BCAS3: variants seen among roughly 807,000 people sequenced by gnomAD.
BCAS3 encodes the protein BCAS3 microtubule associated cell migration factor.
Under a neutral mutation model 116.1 loss-of-function variants are expected in BCAS3, and 53 were observed. The ratio of observed to expected loss-of-function variants is 0.46; its 90% CI spans 0.37 to 0.57. The LOEUF is 0.57. BCAS3 is among the 20% of genes least tolerant of loss of function. BCAS3 has a pLI of 0.00. For missense variants in BCAS3, 917 were observed against 1,165.4 expected (o/e 0.79, Z 3.10); for synonymous variants, 391 against 408.2 (o/e 0.96, Z 0.51).
chr17:60,987,381 T>A (rs1015989748), intron 14 of BCAS3, among the ~76,000 whole-genome samples: 1 of 151,864 alleles, frequency 6.6e-6, no homozygotes, highest in African/African-American at 2.4e-5. Context: ...GTAAAGAATG[T>A]CATAGGTATT....
Position 60,960,031 on chromosome 17 carries a change from C to G in BCAS3, c.1221+12679C>G, listed in dbSNP as rs1166952763. The stretch of plus-strand genomic sequence containing the variant: ...CCAACCTGGATAACCCAGGGATAAG[C>G]CCCTTCTCTTAGGATTTATAACCTA... On this transcript the variant is annotated intron_variant, in intron 14 of 23. Coordinates refer to ENST00000407086, the MANE Select transcript of BCAS3 (RefSeq NM_017679.5). This position sits in a 1 kb window ranked among gnomAD's most constrained non-coding sequence, Gnocchi z 4.1. Among the ~76,000 whole-genome samples, 1 of 152,122 alleles carries G rather than the reference C, an allele frequency of 6.6e-6. No individual in the cohort carries two copies. Among genetic ancestry groups the G allele is most frequent in the East Asian group, 1.9e-4 (1 of 5,198 alleles).
At chr17:61,163,418 C>A (rs1038753305) in intron 22 of BCAS3, among the ~76,000 whole-genome samples, 2 of 139,994 alleles carry the variant, frequency 1.4e-5, no homozygotes, top group Non-Finnish European at 3.1e-5. Context: ...AGCGAGACTC[C>A]GTCTCAGAAA....
chr17:60,694,663 T>C (rs1446830853), intron 4 of BCAS3, among the ~76,000 whole-genome samples: 1 of 149,152 alleles, frequency 6.7e-6, no homozygotes, highest in East Asian at 2.0e-4. Context: ...TTTTTTTTTT[T>C]GGTAGAGATG....
intron 3 of BCAS3, among the ~76,000 whole-genome samples, chr17:60,685,047 A>G (rs972186268): frequency 1.3e-5 from 2 of 152,232 alleles, no homozygotes; most frequent in Non-Finnish European, 2.9e-5. Flanking sequence ...ATAAAATCCA[A>G]CAATGATCAA....
At chr17:61,283,455 G>GT (rs2051418918) in intron 22 of BCAS3, among the ~76,000 whole-genome samples, 1 of 146,826 alleles carries the variant, frequency 6.8e-6, no homozygotes, top group African/African-American at 2.6e-5. Context: ...AAAGTAAATT[G>GT]ATTTTTTTTT....
At chr17:61,121,356 T>G (rs780518399) in intron 22 of BCAS3, among the ~76,000 whole-genome samples, 2 of 152,212 alleles carry the variant, frequency 1.3e-5, no homozygotes, top group Non-Finnish European at 2.9e-5. Context: ...CATTGTATTA[T>G]TTGATATATA....
At chr17:61,018,187 C>T (rs1346968438) in intron 16 of BCAS3, among the ~76,000 whole-genome samples, 1 of 151,616 alleles carries the variant, frequency 6.6e-6, no homozygotes, top group African/African-American at 2.4e-5. Flanking sequence ...TGATACTTGT[C>T]CCACAATGAG....
At chr17:61,067,924 C>G (rs1393649826) in intron 19 of BCAS3, among the ~76,000 whole-genome samples, 1 of 151,950 alleles carries the variant, frequency 6.6e-6, no homozygotes, top group Non-Finnish European at 1.5e-5. Flanking sequence ...TGCCTTTGCT[C>G]GTTGATGTAT....
intron 4 of BCAS3, among the ~76,000 whole-genome samples, chr17:60,705,141 C>T (rs1222726891): frequency 8.5e-5 from 13 of 152,144 alleles, no homozygotes; most frequent in Admixed American, 8.5e-4. Context: ...AGTCAGCAAG[C>T]TTGAAACAAT....
Position 61,355,264 on chromosome 17 carries a change from A to G in BCAS3, c.2426-13063A>G, listed in dbSNP as rs1306768594. ...GGTTTTTGAAACATCTTCTTTGACT[A>G]ATAAAAACAGAAGACTTCTTGGCCC... is the stretch of plus-strand genomic sequence containing the variant. On this transcript the variant is annotated intron_variant, in intron 22 of 23. Coordinates refer to ENST00000407086, the MANE Select transcript of BCAS3 (RefSeq NM_017679.5). The surrounding 1 kb of genome is among the most constrained non-coding windows in gnomAD (Gnocchi z 4.2). 6.6e-6 allele frequency: 1 copy of G among 152,224 alleles called. No homozygotes were observed. Among genetic ancestry groups the G allele is most frequent in the Non-Finnish European group, 1.5e-5 (1 of 68,032 alleles). 9.4% of individuals were successfully genotyped at this position (152,224 alleles called of 1,614,324 possible).
At chr17:60,973,852 A>G (rs1440534170) in intron 14 of BCAS3, among the ~76,000 whole-genome samples, 2 of 151,954 alleles carry the variant, frequency 1.3e-5, no homozygotes, top group East Asian at 1.9e-4. Flanking sequence ...TCGGCCTCCC[A>G]TAGTGCTAGG....
In BCAS3 at chr17:61,391,080, T is replaced by A. The variant is rs2060109480; in HGVS notation, c.2594-897T>A. 1 of 152,258 alleles carries A rather than the reference T, an allele frequency of 6.6e-6. No individual in the cohort carries two copies. Among genetic ancestry groups the A allele is most frequent in the African/African-American group, 2.4e-5 (1 of 41,452 alleles). The allele number at this position is 152,258 out of a possible 1,614,324, so 9.4% of individuals were successfully genotyped here. ...TTCCTTGCACTCAGCAAGCAGGGAATTCCATTCCCAACCCACCTACCCCAG... is the reference window on the plus strand; with the variant it reads ...TTCCTTGCACTCAGCAAGCAGGGAAATCCATTCCCAACCCACCTACCCCAG... On this transcript the variant is annotated intron_variant, in intron 23 of 23. Coordinates refer to ENST00000407086, the MANE Select transcript of BCAS3 (RefSeq NM_017679.5). This position sits in a 1 kb window ranked among gnomAD's most constrained non-coding sequence, Gnocchi z 7.7.
rs1890521384 is a variant in BCAS3 at position 61,364,584 on chromosome 17, T to C, written c.2426-3743T>C. On this transcript the variant is annotated intron_variant, in intron 22 of 23. Transcript: ENST00000407086. This position sits in a 1 kb window ranked among gnomAD's most constrained non-coding sequence, Gnocchi z 5.4. ...TTAGCTGGGCATGGTGGTGCACACC[T>C]GTAGTCCCAGCTACTCAGGAGGCTG... is the stretch of plus-strand genomic sequence containing the variant. 6.6e-6 allele frequency among the ~76,000 whole-genome samples: 1 copy of C among 152,182 alleles called. No individual in the cohort carries two copies. The highest frequency in any genetic ancestry group is 2.1e-4 in the South Asian group (1 of 4,834).
intron 12 of BCAS3, among the ~76,000 whole-genome samples, chr17:60,911,123 CTTT>C (rs1162942971): frequency 3.4e-5 from 3 of 88,268 alleles, no homozygotes; most frequent in East Asian, 3.9e-4. Flanking sequence ...TTTTTTCTTT[CTTT>C]TTTTTTTTTT....
chr17:61,290,190 A>G (rs1051149650), intron 22 of BCAS3, among the ~76,000 whole-genome samples: 2 of 152,328 alleles, frequency 1.3e-5, no homozygotes, highest in African/African-American at 4.8e-5. Context: ...TTTAATGAAG[A>G]CATATTTTAA....
At chr17:61,101,786 G>T (rs913815566) in intron 22 of BCAS3, among the ~76,000 whole-genome samples, 2 of 152,072 alleles carry the variant, frequency 1.3e-5, no homozygotes, top group African/African-American at 2.4e-5. Context: ...CTTGATTTCA[G>T]AATAATATTT....
In BCAS3 at chr17:61,241,612, G is replaced by T. The variant is rs1266703162; in HGVS notation, c.2426-126715G>T. Among the ~76,000 whole-genome samples, 1 of 151,788 alleles carries T rather than the reference G, an allele frequency of 6.6e-6. No homozygotes were observed. Among genetic ancestry groups the T allele is most frequent in the Non-Finnish European group, 1.5e-5 (1 of 67,946 alleles). On this transcript the variant is annotated intron_variant, in intron 22 of 23. Transcript: ENST00000407086. The surrounding 1 kb of genome is among the most constrained non-coding windows in gnomAD (Gnocchi z 4.6). ...CGGGTGCCTGTAGTCCCAGCTACTC[G>T]GGAGGATGAGGCAGGAAAATGGCGT...
At position 61,059,657 on chromosome 17, in the gene BCAS3, A is replaced by G. The variant is rs576173981; in HGVS notation, c.2030-15263A>G. ...GTTGTGAAGAGAAAGCGTTTGTATT[A>G]TATCTCCTCTGATCTTCAGTGGTCA... On this transcript the variant is annotated intron_variant, in intron 19 of 23. Transcript: ENST00000407086. Among the ~76,000 whole-genome samples the G allele has an allele frequency of 2.0e-5, 3 of 152,296 alleles. No homozygotes were observed. In the South Asian group the frequency reaches 6.2e-4, roughly 32 times the overall value.
chr17:60,956,462 A>G lies in BCAS3; in HGVS notation c.1221+9110A>G, dbSNP rs1402036208. 2.0e-5 allele frequency among the ~76,000 whole-genome samples: 3 copies of G among 152,138 alleles called. No individual in the cohort carries two copies. Among genetic ancestry groups the G allele is most frequent in the Admixed American group, 6.5e-5 (1 of 15,276 alleles). ...TCTGTTCTAGTCACTGAGATGCTCT[A>G]CCTCATCTCTGACCTTTTAGAATTT... On this transcript the variant is annotated intron_variant, in intron 14 of 23. Transcript: ENST00000407086. This position sits in a 1 kb window ranked among gnomAD's most constrained non-coding sequence, Gnocchi z 4.2.
Sources: allele counts gnomAD v4.1 joint callset (sites outside exome capture counted in the v4.1 genomes callset), GRCh38; gene constraint gnomAD v4.1.1; non-coding constraint Gnocchi (gnomAD v3.1); transcripts MANE v1.5; gene names NCBI Gene and HGNC (gene_info 2026-07-23, HGNC 2026-07-21).